The following P3H2 variants were observed in gnomAD, a reference collection of about 807,000 sequenced individuals.
P3H2 encodes the protein leprecan-like 1.
In P3H2, 80 loss-of-function variants were observed where a neutral mutation model predicts 87.0. That is an observed-to-expected ratio of 0.92 (90% CI 0.77 to 1.11). The LOEUF is 1.11. P3H2 is among the 50% of genes least tolerant of loss of function. The pLI is 0.00. For synonymous variants in P3H2, 367 were observed against 359.3 expected (o/e 1.02, Z -0.24); for missense variants, 1,001 against 923.9 (o/e 1.08, Z -1.08).
intron 13 of P3H2, among the ~76,000 whole-genome samples, chr3:189,970,530 G>T (rs1723147347): frequency 1.3e-5 from 2 of 151,664 alleles, no homozygotes; most frequent in Non-Finnish European, 2.9e-5. Context: ...ACTTGACAAA[G>T]AATTAGAAGA....
chr3:190,033,056 A>C (rs559040853), intron 1 of P3H2, among the ~76,000 whole-genome samples: 1 of 152,300 alleles, frequency 6.6e-6, no homozygotes, highest in South Asian at 2.1e-4. Flanking sequence ...CAGGCATTAG[A>C]TCTCATAAGG....
chr3:189,986,849 T>C lies in P3H2; in HGVS notation c.1127A>G (p.Lys376Arg). Residue 376 changes from lysine (K) to arginine (R), a missense_variant, in exon 6 of 15, where the codon AAG becomes AGG. Coordinates refer to ENST00000319332, the MANE Select transcript of P3H2 (RefSeq NM_018192.4). ...TGATTTTATCAGCTCAGACTCCAGCTTATGACGTTTCACAAACATTGTTAA... is the reference window on the plus strand; with the variant it reads ...TGATTTTATCAGCTCAGACTCCAGCCTATGACGTTTCACAAACATTGTTAA... ...EDLTMFVKRH[K>R]LESELIKSAA... The C allele has an allele frequency of 6.2e-7, 1 of 1,612,974 alleles. No individual in the cohort carries two copies. Among genetic ancestry groups the C allele is most frequent in the Non-Finnish European group, 8.5e-7 (1 of 1,178,984 alleles).
chr3:189,973,034 A>C lies in P3H2; in HGVS notation c.1549-10T>G, dbSNP rs2278760. The C allele has an allele frequency of 2.5e-3, 3,936 of 1,603,174 alleles. 24 individuals are homozygous for C. In the East Asian group the frequency reaches 0.03, roughly 12 times the overall value. On this transcript the variant is annotated splice_polypyrimidine_tract_variant and intron_variant, in intron 10 of 14. Coordinates refer to ENST00000319332, the MANE Select transcript of P3H2 (RefSeq NM_018192.4). ...GACCTTCATAACCAGACTGAAAAAAAAAAACAAAACATGAGAAACAAATGG... is the reference window on the plus strand; with the variant it reads ...GACCTTCATAACCAGACTGAAAAAACAAAACAAAACATGAGAAACAAATGG...
intron 1 of P3H2, among the ~76,000 whole-genome samples, chr3:190,093,117 G>A (rs931327270): frequency 6.6e-6 from 1 of 152,138 alleles, no homozygotes; most frequent in African/African-American, 2.4e-5. Context: ...AAATAATTCT[G>A]ACATCAATTC....
rs1293027111 is a variant in P3H2 at position 190,045,938 on chromosome 3, G to A, written c.481-50496C>T. On this transcript the variant is annotated intron_variant, in intron 1 of 14. Coordinates refer to ENST00000319332, the MANE Select transcript of P3H2 (RefSeq NM_018192.4). ...AGATCGAGACCATCCTGGCTAACATGGTGAAACCCCGTCTCTAAAAATAAA... is the reference window on the plus strand; with the variant it reads ...AGATCGAGACCATCCTGGCTAACATAGTGAAACCCCGTCTCTAAAAATAAA... Among the ~76,000 whole-genome samples the A allele has an allele frequency of 9.2e-5, 14 of 152,034 alleles. No individual in the cohort carries two copies. The East Asian group carries it at 1.5e-3, about 17-fold the overall frequency.
intron 14 of P3H2, among the ~76,000 whole-genome samples, chr3:189,960,984 A>C (rs951507458): frequency 4.0e-5 from 6 of 150,258 alleles, no homozygotes; most frequent in African/African-American, 1.5e-4. Context: ...TCTGTTGCCC[A>C]GGTTGGAGTG....
intron 4 of P3H2, among the ~76,000 whole-genome samples, chr3:189,988,585 G>T (rs1329639397): frequency 6.6e-6 from 1 of 152,106 alleles, no homozygotes; most frequent in Non-Finnish European, 1.5e-5. Context: ...AATAAATAAT[G>T]TTTTGTTTTT....
At chr3:190,016,239 T>TTTTA (rs534985795) in intron 1 of P3H2, among the ~76,000 whole-genome samples, 23 of 152,188 alleles carry the variant, frequency 1.5e-4, no homozygotes, top group South Asian at 4.1e-4. Context: ...TAATTTTTAT[T>TTTTA]TTTATTTATT....
chr3:190,025,809 T>A (rs1451957980), intron 1 of P3H2, among the ~76,000 whole-genome samples: 1 of 152,084 alleles, frequency 6.6e-6, no homozygotes, highest in African/African-American at 2.4e-5. Context: ...CATCAATGCT[T>A]CCCATAAGAA....
intron 1 of P3H2, among the ~76,000 whole-genome samples, chr3:190,112,067 A>G (rs1361133758): frequency 6.6e-6 from 1 of 152,226 alleles, no homozygotes; most frequent in Non-Finnish European, 1.5e-5. Context: ...GTCTTGTGTT[A>G]TAATTATGCG....
In P3H2 at chr3:190,120,865, A is replaced by G; in HGVS notation, c.-134T>C. The G allele has an allele frequency of 1.5e-6, 2 of 1,366,552 alleles. No individual in the cohort carries two copies. Among genetic ancestry groups the G allele is most frequent in the East Asian group, 3.0e-5 (1 of 33,868 alleles). The allele number at this position is 1,366,552 out of a possible 1,614,324, so 84.7% of individuals were successfully genotyped here. On this transcript the variant is annotated 5_prime_UTR_variant, in exon 1 of 15. Coordinates refer to ENST00000319332, the MANE Select transcript of P3H2 (RefSeq NM_018192.4). ...GCGATCTGGCCGCTCCGCGAGCCCC[A>G]GGTGACCGCCGGCGCTCCGCGTACT... is the stretch of plus-strand genomic sequence containing the variant.
At chr3:190,013,218 A>G (rs960462215) in intron 1 of P3H2, among the ~76,000 whole-genome samples, 2 of 152,254 alleles carry the variant, frequency 1.3e-5, no homozygotes, top group Non-Finnish European at 2.9e-5. Flanking sequence ...CATGACAATG[A>G]TCAGGTGATG....
At chr3:190,036,624 A>C (rs1666486) in intron 1 of P3H2, among the ~76,000 whole-genome samples, 122,465 of 152,140 alleles carry the variant, frequency 0.8, 49,350 homozygotes, top group East Asian at 0.86. Context: ...AAAACTCATA[A>C]TCTAATGTCA....
intron 5 of P3H2, 112 bp downstream of exon 5, chr3:189,987,415 G>A (rs1723737140): frequency 1.6e-6 from 2 of 1,263,368 alleles, no homozygotes; most frequent in Non-Finnish European, 2.2e-6. Flanking sequence ...GGAGGCGGAG[G>A]TTGCGGTGAG....
At chr3:189,989,598 T>C (rs906690532) in intron 3 of P3H2, among the ~76,000 whole-genome samples, 1 of 152,192 alleles carries the variant, frequency 6.6e-6, no homozygotes, top group Non-Finnish European at 1.5e-5. Context: ...TCTTTTTTTT[T>C]AAACCTATTG....
rs1362857072 is a variant in P3H2 at position 189,995,382 on chromosome 3, G to C, written c.541C>G (p.His181Asp). 1.1e-5 allele frequency: 17 copies of C among 1,613,904 alleles called. No individual in the cohort carries two copies. The highest frequency in any genetic ancestry group is 2.7e-5 in the African/African-American group (2 of 74,880). ...TCAATGTTCTGCTGCATTTCCATGT[G>C]CTCAGGGTTAGCCACGAAAAATGTG... The part of the protein sequence containing the change: ...AHTFFVANPE[H>D]MEMQQNIENY... The change falls in exon 2 of 15, where the codon CAC becomes GAC. Residue 181 changes from histidine (H) to aspartate (D), a missense_variant. Coordinates refer to ENST00000319332, the MANE Select transcript of P3H2 (RefSeq NM_018192.4).
At position 190,097,301 on chromosome 3, in the gene P3H2, A is replaced by C. The variant is rs113453103; in HGVS notation, c.480+22951T>G. Among the ~76,000 whole-genome samples the C allele has an allele frequency of 6.3e-3, 935 of 149,258 alleles. 9 individuals carry two copies. Among genetic ancestry groups the C allele is most frequent in the African/African-American group, 0.022 (896 of 40,526 alleles). ...GCATTACTAAAAGTAAAACAAACAA[A>C]CAACCAAAAAAACCGCTATGATTTC... On this transcript the variant is annotated intron_variant, in intron 1 of 14. Transcript: ENST00000319332.
At chr3:189,966,145 AAG>A (rs767825050) in intron 13 of P3H2, among the ~76,000 whole-genome samples, 1 of 141,598 alleles carries the variant, frequency 7.1e-6, no homozygotes, top group Non-Finnish European at 1.5e-5. Context: ...GAAAGAAAGA[AAG>A]AAAGAAAGAA....
chr3:190,030,962 G>T (rs1560370092), intron 1 of P3H2, among the ~76,000 whole-genome samples: 1 of 152,112 alleles, frequency 6.6e-6, no homozygotes, highest in Non-Finnish European at 1.5e-5. Context: ...GATGAATTAA[G>T]AGTACGTACT....
Sources: gnomAD v4.1 joint callset for allele counts (sites outside exome capture counted in the v4.1 genomes callset) on GRCh38, gnomAD v4.1.1 for gene constraint, MANE v1.5 for transcripts, NCBI Gene and HGNC (gene_info 2026-07-23, HGNC 2026-07-21) for gene names.